GLRA2: variants seen among roughly 807,000 people sequenced by gnomAD.
The protein encoded by GLRA2 is glycine receptor subunit alpha-2.
GLRA2 carries 11 observed loss-of-function variants against 31.6 expected under a neutral mutation model. That is an observed-to-expected ratio of 0.35 (90% CI 0.22 to 0.58). The LOEUF (loss-of-function observed/expected upper bound fraction) is 0.58, where lower values mean the gene tolerates loss of function less well. GLRA2 is among the 20% of genes least tolerant of loss of function. The pLI is 0.84. For missense variants in GLRA2, 212 were observed against 351.8 expected, an observed-to-expected ratio of 0.60 and a Z score of 3.18; for synonymous variants, 132 against 134.0, an observed-to-expected ratio of 0.99 and a Z score of 0.10.
At chrX:14,485,443 G>T in the GLRA2 span, among the ~76,000 whole-genome samples, 1 of 111,158 alleles carries the variant, frequency 9.0e-6, no homozygotes, top group Non-Finnish European at 1.9e-5. Context: ...ACAGTTGCTC[G>T]CCCCAAAACC....
the GLRA2 span, among the ~76,000 whole-genome samples, chrX:14,467,789 A>G: frequency 9.0e-6 from 1 of 111,227 alleles, no homozygotes; most frequent in Non-Finnish European, 1.9e-5. Flanking sequence ...GTAATGAGGA[A>G]AAAAACCTCC....
At chrX:14,516,253 G>A in the GLRA2 span, among the ~76,000 whole-genome samples, 1 of 111,329 alleles carries the variant, frequency 9.0e-6, no homozygotes, top group African/African-American at 3.3e-5. Flanking sequence ...AAAGTCATAG[G>A]TGTCTGGGAT....
intron 4 of GLRA2, among the ~76,000 whole-genome samples, chrX:14,589,670 C>A (rs1164978170): frequency 1.3e-4 from 12 of 90,343 alleles, no homozygotes; most frequent in Admixed American, 1.2e-3. Flanking sequence ...GACTCTATCT[C>A]AAAAAAATAT....
At chrX:14,618,990 G>A (rs1288129171) in intron 7 of GLRA2, among the ~76,000 whole-genome samples, 3 of 111,183 alleles carry the variant, frequency 2.7e-5, no homozygotes, top group East Asian at 2.8e-4. Flanking sequence ...TAATTAGATC[G>A]GACACACCTA....
At chrX:14,717,740 TAAA>T (rs199836154) in intron 8 of GLRA2, among the ~76,000 whole-genome samples, 2 of 78,348 alleles carry the variant, frequency 2.6e-5, no homozygotes, top group Non-Finnish European at 2.5e-5. Flanking sequence ...TTCTGTAAAG[TAAA>T]AAAAAAAAAA....
the GLRA2 span, among the ~76,000 whole-genome samples, chrX:14,517,934 TG>T: frequency 9.0e-6 from 1 of 110,976 alleles, no homozygotes; most frequent in Admixed American, 9.6e-5. Context: ...ATCAAGAAAG[TG>T]AAAAGCCACA....
chrX:14,683,869 C>T (rs1434286134), intron 7 of GLRA2, among the ~76,000 whole-genome samples: 2 of 108,871 alleles, frequency 1.8e-5, no homozygotes, highest in African/African-American at 3.4e-5. Flanking sequence ...GCACATTGTG[C>T]ACATGTACCC....
chrX:14,717,012 C>T (rs1003886582), intron 8 of GLRA2, among the ~76,000 whole-genome samples: 2 of 110,839 alleles, frequency 1.8e-5, no homozygotes, highest in Admixed American at 9.6e-5. Flanking sequence ...TACTCTATTT[C>T]GTTATTTATG....
At chrX:14,493,222 T>A in the GLRA2 span, among the ~76,000 whole-genome samples, 1 of 110,600 alleles carries the variant, frequency 9.0e-6, no homozygotes, top group South Asian at 3.8e-4. Flanking sequence ...GGAAAAAAAA[T>A]GTTTTTCTAT....
At chrX:14,512,396 A>G in the GLRA2 span, among the ~76,000 whole-genome samples, 2 of 111,692 alleles carry the variant, frequency 1.8e-5, no homozygotes, top group Non-Finnish European at 3.8e-5. Flanking sequence ...CTTCTATTCA[A>G]CATAGTACTG....
rs1157722406 is a variant in GLRA2, at chrX:14,681,891, C to CAAAAAAAA, written c.931-8806_931-8799dup. ...TGGGCAACAGTGCGAGACACCATCT[C>CAAAAAAAA]AAAAAAAAAAAAAAAAAAAATATAT... On this transcript the variant is annotated intron_variant, in intron 7 of 8. Coordinates refer to ENST00000218075, the MANE Select transcript of GLRA2 (RefSeq NM_002063.4). Among the ~76,000 whole-genome samples, 47 of 26,657 alleles carry CAAAAAAAA rather than the reference C, an allele frequency of 1.8e-3. 1 individual carries two copies. The highest frequency in any genetic ancestry group is 2.3e-3 in the Non-Finnish European group (28 of 12,202). The allele number at this position is 26,657 out of a possible 115,157, so 23.1% of individuals were successfully genotyped here.
chrX:14,573,648 C>T (rs2089914081), intron 2 of GLRA2, among the ~76,000 whole-genome samples: 1 of 109,167 alleles, frequency 9.2e-6, no homozygotes, highest in African/African-American at 3.3e-5. Flanking sequence ...CTGGAGATAA[C>T]AATGGACTCT....
intron 7 of GLRA2, among the ~76,000 whole-genome samples, chrX:14,645,481 C>T (rs373717035): frequency 9.0e-6 from 1 of 111,721 alleles, no homozygotes; most frequent in East Asian, 2.8e-4. Context: ...GGAGAAATGA[C>T]AGTAAACTCT....
intron 7 of GLRA2, among the ~76,000 whole-genome samples, chrX:14,642,178 T>G (rs2090780890): frequency 8.9e-6 from 1 of 111,751 alleles, no homozygotes; most frequent in Admixed American, 9.5e-5. Context: ...GAGAGGAAAT[T>G]GCCTAAATAA....
the GLRA2 span, among the ~76,000 whole-genome samples, chrX:14,496,038 T>C: frequency 2.7e-5 from 3 of 111,382 alleles, no homozygotes; most frequent in African/African-American, 9.8e-5. Context: ...GAGAGTTCAT[T>C]GTGTTTGGGG....
At chrX:14,487,910 C>A in the GLRA2 span, among the ~76,000 whole-genome samples, 1 of 111,727 alleles carries the variant, frequency 9.0e-6, no homozygotes, top group African/African-American at 3.3e-5. Flanking sequence ...GAGTGTCTTT[C>A]TCTATTTTTC....
intron 7 of GLRA2, among the ~76,000 whole-genome samples, chrX:14,651,398 T>C (rs1199942608): frequency 9.0e-6 from 1 of 111,634 alleles, no homozygotes; most frequent in African/African-American, 3.3e-5. Flanking sequence ...ATTATATAAT[T>C]ATTATAATAT....
At chrX:14,599,686 A>G (rs1046596467) in intron 4 of GLRA2, among the ~76,000 whole-genome samples, 3 of 112,058 alleles carry the variant, frequency 2.7e-5, no homozygotes, top group Non-Finnish European at 5.6e-5. Context: ...GGTGATGGGA[A>G]TGCTCTAAAT....
chrX:14,600,848 G>C (rs1307523566), intron 4 of GLRA2, among the ~76,000 whole-genome samples: 1 of 110,846 alleles, frequency 9.0e-6, no homozygotes, highest in Admixed American at 9.6e-5. Flanking sequence ...TAATAGACAA[G>C]TTATGAATGA....
Sources: gnomAD v4.1 joint callset for allele counts (sites outside exome capture counted in the v4.1 genomes callset) on GRCh38, gnomAD v4.1.1 for gene constraint, MANE v1.5 for transcripts, NCBI Gene and HGNC (gene_info 2026-07-23, HGNC 2026-07-21) for gene names.